The following TBX15 variants were observed in gnomAD, a reference collection of about 807,000 sequenced individuals.
The protein encoded by TBX15 is T-box transcription factor 15, also known as T-box transcription factor TBX15.
In TBX15, 18 loss-of-function variants were observed where a neutral mutation model predicts 53.9. The ratio of observed to expected loss-of-function variants is 0.33; its 90% CI spans 0.23 to 0.49. TBX15 has a LOEUF of 0.49. Ranked by LOEUF, TBX15 falls within the 20% of genes least tolerant of loss-of-function variation. The probability of loss-of-function intolerance (pLI) is 0.98; values close to 1 mark genes in which losing one functional copy is unlikely to be tolerated. For missense variants in TBX15, 692 were observed against 749.5 expected, an observed-to-expected ratio of 0.92 and a Z score of 0.90; for synonymous variants, 295 against 278.0, an observed-to-expected ratio of 1.06 and a Z score of -0.61.
intron 1 of TBX15, among the ~76,000 whole-genome samples, chr1:118,976,945 C>A (rs1345357285): frequency 6.6e-6 from 1 of 152,156 alleles, no homozygotes; most frequent in African/African-American, 2.4e-5. Flanking sequence ...GGTGAGTAAT[C>A]GCTGTCAATT....
At chr1:118,953,802 G>A (rs61806207) in intron 1 of TBX15, among the ~76,000 whole-genome samples, 12,351 of 152,200 alleles carry the variant, frequency 0.081, 725 homozygotes, top group Non-Finnish European at 0.11. Flanking sequence ...CCCCTACAAA[G>A]GTAGACATTA....
At chr1:118,981,933 G>T (rs534778954) in intron 1 of TBX15, among the ~76,000 whole-genome samples, 1 of 152,324 alleles carries the variant, frequency 6.6e-6, no homozygotes, top group African/African-American at 2.4e-5. Context: ...ACACGGATGA[G>T]AAAGAGTAAG....
At chr1:118,916,694 T>C (rs1266494123) in intron 5 of TBX15, among the ~76,000 whole-genome samples, 3 of 151,852 alleles carry the variant, frequency 2.0e-5, no homozygotes, top group Non-Finnish European at 2.9e-5. Flanking sequence ...TGAAACACCA[T>C]CTCTACTTAA....
chr1:118,960,080 A>G (rs1456177276), intron 1 of TBX15, among the ~76,000 whole-genome samples: 7 of 152,056 alleles, frequency 4.6e-5, no homozygotes, highest in South Asian at 2.1e-4. Context: ...AAAAAAAAAA[A>G]AAGAAGAGAA....
intron 5 of TBX15, among the ~76,000 whole-genome samples, chr1:118,914,624 G>A (rs2101565916): frequency 6.6e-6 from 1 of 152,300 alleles, no homozygotes; most frequent in African/African-American, 2.4e-5. Flanking sequence ...CAGTTAGGTG[G>A]AATCAGACCA....
chr1:118,911,245 C>A (rs890288844), intron 6 of TBX15, among the ~76,000 whole-genome samples: 1 of 152,108 alleles, frequency 6.6e-6, no homozygotes, highest in East Asian at 1.9e-4. Context: ...TTAGAGAAAG[C>A]GTAATTAAAG....
At chr1:118,986,524 T>C (rs913725277) in intron 1 of TBX15, among the ~76,000 whole-genome samples, 1 of 152,148 alleles carries the variant, frequency 6.6e-6, no homozygotes, top group African/African-American at 2.4e-5. Context: ...AGAGAAAATG[T>C]AAGCGACAGC....
At chr1:118,963,836 T>C (rs977617457) in intron 1 of TBX15, among the ~76,000 whole-genome samples, 1 of 152,234 alleles carries the variant, frequency 6.6e-6, no homozygotes, top group Non-Finnish European at 1.5e-5. Flanking sequence ...GTAAGCATGA[T>C]GCAAGAGTTG....
At chr1:118,927,784 A>G (rs1245525646) in intron 2 of TBX15, among the ~76,000 whole-genome samples, 1 of 152,244 alleles carries the variant, frequency 6.6e-6, no homozygotes, top group Non-Finnish European at 1.5e-5. Context: ...AAAGTTCACC[A>G]TTCTTCTTTA....
intron 1 of TBX15, among the ~76,000 whole-genome samples, chr1:118,937,947 G>A (rs1656018999): frequency 1.3e-5 from 2 of 152,132 alleles, no homozygotes; most frequent in Admixed American, 1.3e-4. Context: ...GTCTGTACCA[G>A]GAGCAAGTAA....
intron 1 of TBX15, among the ~76,000 whole-genome samples, chr1:118,962,246 T>A (rs1346457493): frequency 6.6e-6 from 1 of 152,208 alleles, no homozygotes; most frequent in Non-Finnish European, 1.5e-5. Flanking sequence ...TTACAATTTG[T>A]TCCAATATCA....
chr1:118,935,945 C>T (rs965929123), intron 1 of TBX15, among the ~76,000 whole-genome samples: 1 of 152,116 alleles, frequency 6.6e-6, no homozygotes, highest in Non-Finnish European at 1.5e-5. Context: ...TACTAGAATG[C>T]ACATCTTCTC....
At chr1:118,970,300 A>C (rs958052910) in intron 1 of TBX15, among the ~76,000 whole-genome samples, 2 of 152,220 alleles carry the variant, frequency 1.3e-5, no homozygotes, top group African/African-American at 2.4e-5. Flanking sequence ...GGGATTTAGA[A>C]TATAACAATG....
intron 1 of TBX15, among the ~76,000 whole-genome samples, chr1:118,961,920 G>A (rs9658899): frequency 0.37 from 55,642 of 152,118 alleles, 11,055 homozygotes; most frequent in Non-Finnish European, 0.44. Context: ...TACCCATGCC[G>A]AAGCAAATGA....
intron 1 of TBX15, among the ~76,000 whole-genome samples, chr1:118,970,139 G>T (rs977668876): frequency 6.6e-6 from 1 of 152,200 alleles, no homozygotes; most frequent in African/African-American, 2.4e-5. Context: ...CCCCAGCCAT[G>T]CCTACTGTAC....
At chr1:118,957,468 AT>A (rs1656728081) in intron 1 of TBX15, among the ~76,000 whole-genome samples, 1 of 152,214 alleles carries the variant, frequency 6.6e-6, no homozygotes, top group Non-Finnish European at 1.5e-5. Flanking sequence ...TTTCAATGCA[AT>A]ATTTTATTTT....
At chr1:118,926,835 A>C (rs1655610851) in intron 2 of TBX15, among the ~76,000 whole-genome samples, 1 of 151,912 alleles carries the variant, frequency 6.6e-6, no homozygotes, top group African/African-American at 2.4e-5. Context: ...CCTCCCGAGT[A>C]GCTGGGACTA....
In TBX15 at chr1:118,885,226, T is replaced by G. The variant is rs1271711735; in HGVS notation, c.1315A>C (p.Met439Leu). 15 of 1,614,126 alleles carry G rather than the reference T, an allele frequency of 9.3e-6. No individual in the cohort carries two copies. Among genetic ancestry groups the G allele is most frequent in the Non-Finnish European group, 1.3e-5 (15 of 1,180,030 alleles). ...TSATQPSETFMPQRTPSLISG... is the reference protein window; with the variant it reads ...TSATQPSETFLPQRTPSLISG... ...ATCAGGGATGGAGTCCTCTGAGGCA[T>G]GAAGGTTTCAGAGGGCTGAGTGGCT... is the stretch of plus-strand genomic sequence containing the variant. The change falls in exon 8 of 8, where the codon ATG (methionine) becomes CTG (leucine). Residue 439 changes from methionine (M) to leucine (L), a missense_variant. Met to Leu is a conservative substitution (Grantham distance 15, BLOSUM62 2). Around this residue, in one of 3 missense-constraint regions of TBX15, gnomAD observed 375 missense variants for 371.6 expected, o/e 1.01. Transcript: ENST00000369429.
chr1:118,895,285 A>T (rs1654384057), intron 7 of TBX15, among the ~76,000 whole-genome samples: 1 of 152,134 alleles, frequency 6.6e-6, no homozygotes, highest in African/African-American at 2.4e-5. Flanking sequence ...AGCTTTTGTA[A>T]ATGGTGGATC....
Sources: allele counts gnomAD v4.1 joint callset (sites outside exome capture counted in the v4.1 genomes callset), GRCh38; gene constraint gnomAD v4.1.1; regional missense constraint gnomAD v4.1.1; transcripts MANE v1.5; gene names NCBI Gene and HGNC (gene_info 2026-07-23, HGNC 2026-07-21).